Variants in CRTC1 observed in about 807,000 individuals in gnomAD.
CRTC1 encodes the protein CREB regulated transcription coactivator 1.
Under a neutral mutation model 66.1 loss-of-function variants are expected in CRTC1, and 18 were observed. The observed-to-expected ratio is 0.27, with a 90% confidence interval of 0.19 to 0.40. The LOEUF (loss-of-function observed/expected upper bound fraction) is 0.40, where lower values mean the gene tolerates loss of function less well. Among genes scored for constraint, CRTC1 ranks in the 10% least tolerant of loss-of-function variants. The probability of loss-of-function intolerance (pLI) is 1.00; values close to 1 mark genes in which losing one functional copy is unlikely to be tolerated. For missense variants in CRTC1, 669 were observed against 887.9 expected (o/e 0.75, Z 3.13); for synonymous variants, 416 against 398.8 (o/e 1.04, Z -0.51).
At position 18,760,053 on chromosome 19, in the gene CRTC1, C is replaced by T. The variant is rs374443165; in HGVS notation, c.711C>T (p.Pro237=). Residue 237 remains proline (P), a synonymous_variant, in exon 8 of 14, where the codon CCC becomes CCT. Coordinates refer to ENST00000321949, the MANE Select transcript of CRTC1 (RefSeq NM_015321.3). The surrounding 1 kb of genome is among the most constrained non-coding windows in gnomAD (Gnocchi z 6.2). ...ADQENTTALI[P]ATHNTGGSLP... is the part of the protein sequence containing the mutation. ...AGGAAAACACTACAGCCCTGATCCC[C>T]GCCACCCACAACACAGGGGGGTCCC... 87 of 1,605,248 alleles carry T rather than the reference C, an allele frequency of 5.4e-5. No homozygotes were observed. The highest frequency in any genetic ancestry group is 1.7e-4 in the Middle Eastern group (1 of 6,044).
Position 18,777,170 on chromosome 19 carries a change from GTGACAGGAGAGT to G in CRTC1, c.1694_1705del (p.Val565_Ser569delinsAla). On this transcript the variant is annotated inframe_deletion and splice_region_variant, in exon 14 of 14. Coordinates refer to ENST00000321949, the MANE Select transcript of CRTC1 (RefSeq NM_015321.3). This position sits in a 1 kb window ranked among gnomAD's most constrained non-coding sequence, Gnocchi z 5.5. ...CCTTTTGTCCCCACCCCATCCCCCA[GTGACAGGAGAGT>G]CCCCCCCCAGCCTCTCTAAAGAACT... 1 of 1,503,550 alleles carries G rather than the reference GTGACAGGAGAGT, an allele frequency of 6.7e-7. No homozygotes were observed. Among genetic ancestry groups the G allele is most frequent in the Non-Finnish European group, 9.1e-7 (1 of 1,095,510 alleles). 93.1% of individuals were successfully genotyped at this position (1,503,550 alleles called of 1,614,324 possible).
chr19:18,721,991 C>T (rs1197516614), intron 1 of CRTC1, among the ~76,000 whole-genome samples: 2 of 152,192 alleles, frequency 1.3e-5, no homozygotes, highest in African/African-American at 4.8e-5. Context: ...CCCCATGATC[C>T]AGCACATGGG....
intron 1 of CRTC1, among the ~76,000 whole-genome samples, chr19:18,730,491 G>A (rs529227810): frequency 3.3e-5 from 5 of 152,160 alleles, no homozygotes; most frequent in East Asian, 1.9e-4. Context: ...CAGCCCTGCC[G>A]TGGAGTCACC....
At chr19:18,739,472 G>A (rs2054067211) in intron 1 of CRTC1, among the ~76,000 whole-genome samples, 1 of 152,250 alleles carries the variant, frequency 6.6e-6, no homozygotes, top group South Asian at 2.1e-4. Context: ...TGTGAAGTCA[G>A]CTGTGGAGGA....
chr19:18,765,384 C>T lies in CRTC1; in HGVS notation c.887-20C>T. ...GATCAGTCTCACACCTGCTCTCCCT[C>T]CCTCCTACTTCCTCTCTAGGAATGA... is the stretch of plus-strand genomic sequence containing the variant. On this transcript the variant is annotated intron_variant, in intron 8 of 13. Coordinates refer to ENST00000321949, the MANE Select transcript of CRTC1 (RefSeq NM_015321.3). The T allele has an allele frequency of 1.2e-6, 2 of 1,602,012 alleles. No homozygotes were observed. Among genetic ancestry groups the T allele is most frequent in the Non-Finnish European group, 8.5e-7 (1 of 1,172,040 alleles).
At chr19:18,688,570 C>G (rs1286403387) in intron 1 of CRTC1, among the ~76,000 whole-genome samples, 1 of 152,044 alleles carries the variant, frequency 6.6e-6, no homozygotes, top group Non-Finnish European at 1.5e-5. Flanking sequence ...TCCCAAGTAG[C>G]TGGAATTGCA....
chr19:18,739,179 C>G (rs1440993194), intron 1 of CRTC1, among the ~76,000 whole-genome samples: 1 of 152,254 alleles, frequency 6.6e-6, no homozygotes, highest in East Asian at 1.9e-4. Flanking sequence ...TCAGCTGTTT[C>G]ACCTGTCGCC....
At position 18,769,767 on chromosome 19, in the gene CRTC1, G is replaced by A. The variant is rs114063088; in HGVS notation, c.1320+974G>A. Reference sequence around the variant, plus strand: ...CAGGGACGGCCCTTCTAGGGCTCTTGGGTCAGGCTGTCCATGTCCAGCACC... The same window carrying A: ...CAGGGACGGCCCTTCTAGGGCTCTTAGGTCAGGCTGTCCATGTCCAGCACC... On this transcript the variant is annotated intron_variant, in intron 10 of 13. Coordinates refer to ENST00000321949, the MANE Select transcript of CRTC1 (RefSeq NM_015321.3). 4.2e-3 allele frequency among the ~76,000 whole-genome samples: 644 copies of A among 152,266 alleles called. 2 individuals carry two copies. Among genetic ancestry groups the A allele is most frequent in the African/African-American group, 0.015 (611 of 41,554 alleles).
In CRTC1 at chr19:18,780,191, G is replaced by C. The variant is rs117284834; in HGVS notation, c.*2809G>C. The C allele has an allele frequency of 1.7e-5, 4 of 231,608 alleles. No individual in the cohort carries two copies. Among genetic ancestry groups the C allele is most frequent in the African/African-American group, 8.8e-5 (4 of 45,326 alleles). The allele number at this position is 231,608 out of a possible 1,614,324, so 14.3% of individuals were successfully genotyped here. On this transcript the variant is annotated 3_prime_UTR_variant, in exon 14 of 14. Coordinates refer to ENST00000321949, the MANE Select transcript of CRTC1 (RefSeq NM_015321.3). ...GCCGTCTGTGTCCTTGGTCAGGCCC[G>C]GATGCTTGGTCTACACTGGGTTAGA...
rs763000051 is a variant in CRTC1, at chr19:18,760,356, C to T, written c.886+128C>T. 373 of 814,716 alleles carry T rather than the reference C, an allele frequency of 4.6e-4. No individual in the cohort carries two copies. The highest frequency in any genetic ancestry group is 7.0e-4 in the Middle Eastern group (2 of 2,840). The allele number at this position is 814,716 out of a possible 1,614,324, so 50.5% of individuals were successfully genotyped here. On this transcript the variant is annotated intron_variant, in intron 8 of 13. Coordinates refer to ENST00000321949, the MANE Select transcript of CRTC1 (RefSeq NM_015321.3). This position sits in a 1 kb window ranked among gnomAD's most constrained non-coding sequence, Gnocchi z 6.2. Reference sequence around the variant, plus strand: ...ATGGGGGACAGGGCTGGGGGGCGGCCGACAGGCTGACCCAGCGGGCACAGG... The same window carrying T: ...ATGGGGGACAGGGCTGGGGGGCGGCTGACAGGCTGACCCAGCGGGCACAGG...
rs140976376 is a variant in CRTC1 at position 18,698,813 on chromosome 19, A to G, written c.126+14985A>G. 1.9e-3 allele frequency among the ~76,000 whole-genome samples: 278 copies of G among 150,020 alleles called. 3 individuals are homozygous for G. The highest frequency in any genetic ancestry group is 0.014 in the South Asian group (68 of 4,706). On this transcript the variant is annotated intron_variant, in intron 1 of 13. Coordinates refer to ENST00000321949, the MANE Select transcript of CRTC1 (RefSeq NM_015321.3). ...CAGGCGTACAGTGTTCAGCAGGCAC[A>G]CGGTGTGTATTCAGCAGGTGCACAG...
rs2055003687 is a variant in CRTC1 at position 18,777,012 on chromosome 19, G to A, written c.1694-159G>A. ...TAGGGTGCTGAGCAGCATCTCATGT[G>A]CTGGCCCCTCCCCCAGTCATGACAG... is the stretch of plus-strand genomic sequence containing the variant. On this transcript the variant is annotated intron_variant, in intron 13 of 13. Transcript: ENST00000321949. This position sits in a 1 kb window ranked among gnomAD's most constrained non-coding sequence, Gnocchi z 5.5. Among the ~76,000 whole-genome samples the A allele has an allele frequency of 6.6e-6, 1 of 152,186 alleles. No homozygotes were observed. The highest frequency in any genetic ancestry group is 6.5e-5 in the Admixed American group (1 of 15,290).
chr19:18,746,021 C>G, intron 3 of CRTC1, 61 bp downstream of exon 3: 1 of 1,544,558 alleles, frequency 6.5e-7, no homozygotes, highest in Non-Finnish European at 8.8e-7. Context: ...GGCAGGACCC[C>G]AAGTTTACCC....
At chr19:18,724,438 G>A (rs966973105) in intron 1 of CRTC1, among the ~76,000 whole-genome samples, 7 of 152,090 alleles carry the variant, frequency 4.6e-5, no homozygotes, top group South Asian at 2.1e-4. Flanking sequence ...GGGGCCATGT[G>A]TGAGTTTCTG....
intron 6 of CRTC1, among the ~76,000 whole-genome samples, chr19:18,758,221 T>G (rs1352573819): frequency 4.4e-4 from 58 of 131,756 alleles, no homozygotes; most frequent in South Asian, 1.0e-3. Flanking sequence ...TTAGCCGGGC[T>G]TGGTGGCGGG....
At chr19:18,714,445 T>G (rs1442693058) in intron 1 of CRTC1, among the ~76,000 whole-genome samples, 2 of 152,212 alleles carry the variant, frequency 1.3e-5, no homozygotes, top group African/African-American at 4.8e-5. Context: ...GTAGCTGGGA[T>G]TACAGGTGTG....
intron 8 of CRTC1, among the ~76,000 whole-genome samples, chr19:18,761,077 C>T (rs1179113443): frequency 6.6e-6 from 1 of 152,164 alleles, no homozygotes; most frequent in Non-Finnish European, 1.5e-5. Context: ...GCCCCAGTCC[C>T]ACCTCAGGGC....
intron 1 of CRTC1, among the ~76,000 whole-genome samples, chr19:18,694,401 A>G (rs113525103): frequency 0.027 from 4,034 of 152,068 alleles, 87 homozygotes; most frequent in Middle Eastern, 0.099. Context: ...TCTGTAAGCT[A>G]CGTCTCTTTA....
intron 8 of CRTC1, among the ~76,000 whole-genome samples, chr19:18,764,211 C>T (rs75556539): frequency 0.02 from 3,019 of 152,304 alleles, 101 homozygotes; most frequent in African/African-American, 0.069. Context: ...TCTCATCTGC[C>T]GGAACAAGGT....
Sources: allele counts gnomAD v4.1 joint callset (sites outside exome capture counted in the v4.1 genomes callset), GRCh38; gene constraint gnomAD v4.1.1; non-coding constraint Gnocchi (gnomAD v3.1); transcripts MANE v1.5; gene names NCBI Gene and HGNC (gene_info 2026-07-23, HGNC 2026-07-21).